ZBTB20: variants seen among roughly 807,000 people sequenced by gnomAD.
ZBTB20 encodes zinc finger and BTB domain containing 20, also known as zinc finger and BTB domain-containing protein 20.
A neutral mutation model predicts 56.9 loss-of-function variants in ZBTB20; 9 were observed. The observed-to-expected ratio is 0.16, with a 90% CI of 0.10 to 0.28. The LOEUF (loss-of-function observed/expected upper bound fraction) is 0.28, where lower values mean the gene tolerates loss of function less well. ZBTB20 is among the 10% of genes least tolerant of loss of function. The probability of loss-of-function intolerance (pLI) is 1.00; values close to 1 mark genes in which losing one functional copy is unlikely to be tolerated. For missense variants in ZBTB20, 655 were observed against 1,003.0 expected (o/e 0.65, Z 4.69); for synonymous variants, 417 against 420.7 (o/e 0.99, Z 0.11).
At chr3:114,631,091 G>A (rs77648400) in intron 6 of ZBTB20, among the ~76,000 whole-genome samples, 1 of 151,896 alleles carries the variant, frequency 6.6e-6, no homozygotes, top group Admixed American at 6.6e-5. Flanking sequence ...CCCAAGTGCT[G>A]CCCACATACA....
At chr3:114,412,102 G>A (rs895102806) in intron 7 of ZBTB20, among the ~76,000 whole-genome samples, 1 of 152,132 alleles carries the variant, frequency 6.6e-6, no homozygotes, top group South Asian at 2.1e-4. Context: ...ATATTTTCAG[G>A]AAGATGTCCA....
chr3:114,533,314 A>C (rs1037392865), intron 6 of ZBTB20, among the ~76,000 whole-genome samples: 4 of 152,064 alleles, frequency 2.6e-5, no homozygotes, highest in South Asian at 2.1e-4. Flanking sequence ...GCTGGAACTG[A>C]AAAACATAGC....
chr3:114,509,811 G>A (rs182100801), intron 6 of ZBTB20, among the ~76,000 whole-genome samples: 1 of 152,282 alleles, frequency 6.6e-6, no homozygotes, highest in Admixed American at 6.5e-5. Context: ...TGCTCCAGGA[G>A]CCTCTCACAA....
intron 5 of ZBTB20, among the ~76,000 whole-genome samples, chr3:114,794,905 C>T (rs1384614833): frequency 1.3e-5 from 2 of 151,942 alleles, no homozygotes; most frequent in East Asian, 3.9e-4. Flanking sequence ...TGATAAAATA[C>T]ACCAAAATTA....
At chr3:114,913,742 T>C (rs1261096733) in intron 3 of ZBTB20, among the ~76,000 whole-genome samples, 1 of 152,018 alleles carries the variant, frequency 6.6e-6, no homozygotes, top group Admixed American at 6.6e-5. Context: ...TTAATTCATG[T>C]TGATTTCATT....
intron 1 of ZBTB20, among the ~76,000 whole-genome samples, chr3:115,124,568 T>G (rs1390254491): frequency 6.6e-6 from 1 of 152,182 alleles, no homozygotes; most frequent in Admixed American, 6.5e-5. Flanking sequence ...TGTAGGATAC[T>G]TGCCCAACCA....
chr3:114,590,524 A>T (rs12629513), intron 6 of ZBTB20, among the ~76,000 whole-genome samples: 8 of 148,730 alleles, frequency 5.4e-5, no homozygotes, highest in African/African-American at 1.2e-4. Flanking sequence ...AAATAAATAA[A>T]AAATAAACAA....
Position 114,317,801 on chromosome 3 carries a change from G to C in ZBTB20, c.*21204C>G, listed in dbSNP as rs113566951. 2 of 152,020 alleles carry C rather than the reference G, an allele frequency of 1.3e-5. No individual in the cohort carries two copies. Among genetic ancestry groups the C allele is most frequent in the African/African-American group, 4.8e-5 (2 of 41,392 alleles). 9.4% of individuals were successfully genotyped at this position (152,020 alleles called of 1,614,324 possible). A position where few individuals can be genotyped will look rare whatever the true frequency, so the allele number is the denominator to read the frequency against. On this transcript the variant is annotated 3_prime_UTR_variant, in exon 12 of 12. Coordinates refer to ENST00000675478, the MANE Select transcript of ZBTB20 (RefSeq NM_001348800.3). The stretch of plus-strand genomic sequence containing the variant: ...AAGAAAAACGGTATTTTGCAAGTTT[G>C]TGTGTGTGTGTGCTCGCATACATGA...
At position 114,697,219 on chromosome 3, in the gene ZBTB20, CACAA is replaced by C. The variant is rs1396004557; in HGVS notation, c.-342-3648_-342-3645del. ...TCAGGATACATTTCAAGTGAAAACACACAAACACACACACACCCGTCTTCCTTAT... is the reference window on the plus strand; with the variant it reads ...TCAGGATACATTTCAAGTGAAAACACACACACACACACCCGTCTTCCTTAT... On this transcript the variant is annotated intron_variant, in intron 5 of 11. Coordinates refer to ENST00000675478, the MANE Select transcript of ZBTB20 (RefSeq NM_001348800.3). Among the ~76,000 whole-genome samples the C allele has an allele frequency of 2.6e-5, 4 of 152,002 alleles. No individual in the cohort carries two copies. The East Asian group carries it at 7.7e-4, about 29-fold the overall frequency.
intron 6 of ZBTB20, among the ~76,000 whole-genome samples, chr3:114,560,927 C>T (rs1418870352): frequency 1.3e-5 from 2 of 152,156 alleles, no homozygotes; most frequent in Non-Finnish European, 1.5e-5. Context: ...GGAGCCAATC[C>T]TCTCAAACTC....
At chr3:114,519,742 G>A (rs2046420583) in intron 6 of ZBTB20, 1 of 152,208 alleles carries the variant, frequency 6.6e-6, no homozygotes, top group Non-Finnish European at 1.5e-5. Flanking sequence ...TAAGACACGA[G>A]AAAGAAAGTG....
chr3:114,600,126 A>G (rs2056645702), intron 6 of ZBTB20, among the ~76,000 whole-genome samples: 1 of 152,092 alleles, frequency 6.6e-6, no homozygotes, highest in Non-Finnish European at 1.5e-5. Context: ...TTGCTCTACA[A>G]GTTTCCTTCC....
At chr3:114,696,014 T>C (rs1253391187) in intron 5 of ZBTB20, among the ~76,000 whole-genome samples, 1 of 152,068 alleles carries the variant, frequency 6.6e-6, no homozygotes, top group African/African-American at 2.4e-5. Context: ...ACATTAAATA[T>C]ATATATACTA....
chr3:115,015,224 AAT>A (rs2079898197), intron 2 of ZBTB20, among the ~76,000 whole-genome samples: 1 of 151,884 alleles, frequency 6.6e-6, no homozygotes, highest in African/African-American at 2.4e-5. Context: ...AGCAATATAA[AAT>A]ATGTTTTGTG....
chr3:114,791,477 A>G (rs1301641409), intron 5 of ZBTB20, among the ~76,000 whole-genome samples: 1 of 152,152 alleles, frequency 6.6e-6, no homozygotes, highest in Non-Finnish European at 1.5e-5. Context: ...CACACTTTCC[A>G]GTGCTACAAG....
chr3:114,611,881 G>C (rs1381709271), intron 6 of ZBTB20, among the ~76,000 whole-genome samples: 1 of 152,108 alleles, frequency 6.6e-6, no homozygotes, highest in East Asian at 1.9e-4. Context: ...AAGTGTTTCA[G>C]TTATTCAGCA....
chr3:114,329,679 G>A lies in ZBTB20; in HGVS notation c.*9326C>T, dbSNP rs939734476. ...TTCTATTAGCCTCTGTGGATAAAGA[G>A]TTCCTGAAACTCTGGTTTTACTTTT... On this transcript the variant is annotated 3_prime_UTR_variant, in exon 12 of 12. Coordinates refer to ENST00000675478, the MANE Select transcript of ZBTB20 (RefSeq NM_001348800.3). 1.8e-5 allele frequency: 2 copies of A among 111,494 alleles called. No homozygotes were observed. Among genetic ancestry groups the A allele is most frequent in the African/African-American group, 6.8e-5 (2 of 29,240 alleles). 6.9% of individuals were successfully genotyped at this position (111,494 alleles called of 1,614,324 possible).
intron 5 of ZBTB20, among the ~76,000 whole-genome samples, chr3:114,777,491 A>G (rs1189355540): frequency 6.6e-6 from 1 of 152,158 alleles, no homozygotes; most frequent in African/African-American, 2.4e-5. Flanking sequence ...AACACATGAA[A>G]AAATGCTCAT....
At chr3:114,878,204 T>C (rs928084901) in intron 4 of ZBTB20, among the ~76,000 whole-genome samples, 1 of 152,116 alleles carries the variant, frequency 6.6e-6, no homozygotes, top group Non-Finnish European at 1.5e-5. Flanking sequence ...TCGTGTCTCA[T>C]TCCTAAAACA....
Sources: allele counts gnomAD v4.1 joint callset (sites outside exome capture counted in the v4.1 genomes callset), GRCh38; gene constraint gnomAD v4.1.1; transcripts MANE v1.5; gene names NCBI Gene and HGNC (gene_info 2026-07-23, HGNC 2026-07-21).